The following MAP3K7 variants were observed in gnomAD, a reference collection of about 807,000 sequenced individuals.
MAP3K7 encodes the protein mitogen-activated protein kinase kinase kinase 7, also known as TGF-beta activated kinase 1.
Under a neutral mutation model 84.8 loss-of-function variants are expected in MAP3K7, and 21 were observed. That is an observed-to-expected ratio of 0.25 (90% CI 0.18 to 0.36). MAP3K7 has a LOEUF of 0.36. Among genes scored for constraint, MAP3K7 ranks in the 10% least tolerant of loss-of-function variants. MAP3K7 has a pLI of 1.00. For missense variants in MAP3K7, 503 were observed against 747.7 expected, an observed-to-expected ratio of 0.67 and a Z score of 3.82; for synonymous variants, 241 against 247.7, an observed-to-expected ratio of 0.97 and a Z score of 0.25.
chr6:90,533,493 G>C (rs573708950), intron 13 of MAP3K7, among the ~76,000 whole-genome samples: 1 of 152,150 alleles, frequency 6.6e-6, no homozygotes, highest in East Asian at 1.9e-4. Context: ...CAGATTGGCC[G>C]CTGTCAGAAA....
intron 1 of MAP3K7, among the ~76,000 whole-genome samples, chr6:90,581,265 C>T (rs1777261177): frequency 6.6e-6 from 1 of 152,090 alleles, no homozygotes; most frequent in Non-Finnish European, 1.5e-5. Flanking sequence ...TTTAATTGTT[C>T]TGAATTCATG....
intron 3 of MAP3K7, among the ~76,000 whole-genome samples, chr6:90,562,571 C>T (rs773425190): frequency 6.6e-6 from 1 of 152,158 alleles, no homozygotes; most frequent in Non-Finnish European, 1.5e-5. Context: ...AACAAAGCAG[C>T]CAGGAAGTTC....
intron 10 of MAP3K7, 115 bp from the exon 11 acceptor site, chr6:90,547,502 GA>G: frequency 8.6e-7 from 1 of 1,157,508 alleles, no homozygotes. Context: ...GTTCTGCTCT[GA>G]AAGGAGAGGG....
intron 6 of MAP3K7, among the ~76,000 whole-genome samples, chr6:90,555,349 G>A (rs1776301904): frequency 1.3e-5 from 2 of 151,680 alleles, no homozygotes; most frequent in Admixed American, 6.6e-5. Context: ...TCCGCCTCCC[G>A]GGTTCACACC....
In MAP3K7 at chr6:90,519,305, C is replaced by T. The variant is rs1775072156; in HGVS notation, c.1477G>A (p.Asp493Asn). The T allele has an allele frequency of 1.9e-6, 3 of 1,580,038 alleles. No individual in the cohort carries two copies. The East Asian group carries it at 7.0e-5, about 37-fold the overall frequency. The change falls in exon 15 of 17, where the codon GAT becomes AAT. Residue 493 changes from aspartate to asparagine, a missense_variant. Asp to Asn is a conservative substitution (Grantham distance 23). Around this residue, in one of 5 missense-constraint regions of MAP3K7, gnomAD observed 286 missense variants for 313.6 expected, o/e 0.91. Transcript: ENST00000369329. ...AGATAAGCCATTGGGATGGAGTTAT[C>T]TGATCCATTGGTATCTGGAATTCAA... is the stretch of plus-strand genomic sequence containing the variant. ...PDDSTDTNGS[D>N]NSIPMAYLTL...
chr6:90,536,953 A>C (rs1775701394), intron 12 of MAP3K7: 1 of 152,302 alleles, frequency 6.6e-6, no homozygotes, highest in Non-Finnish European at 1.5e-5. Flanking sequence ...TTTGTGAACA[A>C]CAACTCTTAA....
chr6:90,533,875 C>T (rs1775584117), intron 13 of MAP3K7, among the ~76,000 whole-genome samples: 1 of 152,128 alleles, frequency 6.6e-6, no homozygotes, highest in African/African-American at 2.4e-5. Context: ...AGTATCTTTT[C>T]AAAGCTTCTA....
At chr6:90,522,052 C>A (rs205340) in intron 14 of MAP3K7, among the ~76,000 whole-genome samples, 106,669 of 151,980 alleles carry the variant, frequency 0.7, 37,762 homozygotes, top group Middle Eastern at 0.79. Context: ...AAATACTGCA[C>A]AGCTGAATTA....
intron 13 of MAP3K7, among the ~76,000 whole-genome samples, chr6:90,525,280 A>G (rs1047714856): frequency 6.6e-6 from 1 of 152,170 alleles, no homozygotes; most frequent in Non-Finnish European, 1.5e-5. Flanking sequence ...TTAGGGTCCA[A>G]AAAATTACTA....
At chr6:90,524,928 A>C in intron 13 of MAP3K7, among the ~76,000 whole-genome samples, 1 of 152,184 alleles carries the variant, frequency 6.6e-6, no homozygotes, top group East Asian at 1.9e-4. Flanking sequence ...AAAATTTCAA[A>C]GGTATTTACT....
At chr6:90,560,393 C>A (rs1776471171) in intron 4 of MAP3K7, among the ~76,000 whole-genome samples, 179 bp from the exon 5 acceptor site, 1 of 152,146 alleles carries the variant, frequency 6.6e-6, no homozygotes, top group Non-Finnish European at 1.5e-5. Flanking sequence ...GACGGACTCT[C>A]ACTTTGTCGC....
Position 90,586,748 on chromosome 6 carries a change from G to A in MAP3K7, c.120+16C>T. 6.4e-7 allele frequency: 1 copy of A among 1,571,528 alleles called. No individual in the cohort carries two copies. The stretch of plus-strand genomic sequence containing the variant: ...GGCAGGCCGGGACCGGCGTCTCCAT[G>A]CCGGGCCTCGCTCACCTCTTCCACC... On this transcript the variant is annotated intron_variant, in intron 1 of 16. Coordinates refer to ENST00000369329, the MANE Select transcript of MAP3K7 (RefSeq NM_145331.3).
intron 16 of MAP3K7, 97 bp from the exon 17 acceptor site, chr6:90,516,778 G>T (rs1158412816): frequency 7.7e-6 from 8 of 1,041,122 alleles, no homozygotes; most frequent in African/African-American, 6.5e-5. Flanking sequence ...TTTATTCTTG[G>T]TTTATCATTT....
intron 6 of MAP3K7, among the ~76,000 whole-genome samples, chr6:90,555,290 C>T (rs1173380535): frequency 6.6e-6 from 1 of 151,476 alleles, no homozygotes; most frequent in African/African-American, 2.4e-5. Flanking sequence ...GAGTCTTGCT[C>T]TGTCACCCAG....
At chr6:90,576,043 G>C (rs1777064502) in intron 1 of MAP3K7, among the ~76,000 whole-genome samples, 1 of 152,012 alleles carries the variant, frequency 6.6e-6, no homozygotes, top group Non-Finnish European at 1.5e-5. Flanking sequence ...ATGCCACATA[G>C]AACAACGACA....
At chr6:90,543,682 C>T (rs528651491) in intron 12 of MAP3K7, among the ~76,000 whole-genome samples, 2 of 152,094 alleles carry the variant, frequency 1.3e-5, no homozygotes, top group Admixed American at 6.6e-5. Context: ...TCATCCAACT[C>T]GCACTCATGA....
intron 9 of MAP3K7, 120 bp downstream of exon 9, chr6:90,550,348 T>C (rs1307552644): frequency 1.6e-6 from 1 of 622,712 alleles, no homozygotes; most frequent in Non-Finnish European, 2.7e-6. Flanking sequence ...CAGTCAATCA[T>C]ATGAAATGAA....
chr6:90,569,984 CAT>C (rs1264162949), intron 2 of MAP3K7, among the ~76,000 whole-genome samples: 1 of 152,080 alleles, frequency 6.6e-6, no homozygotes, highest in Admixed American at 6.6e-5. Context: ...CTAGAGCCAA[CAT>C]GTGTGGATTT....
intron 14 of MAP3K7, among the ~76,000 whole-genome samples, chr6:90,522,637 G>A (rs1395853654): frequency 1.3e-5 from 2 of 151,980 alleles, no homozygotes; most frequent in Non-Finnish European, 2.9e-5. Context: ...AGTTTTTGCC[G>A]CCACTAAATT....
Sources: gnomAD v4.1 joint callset for allele counts (sites outside exome capture counted in the v4.1 genomes callset) on GRCh38, gnomAD v4.1.1 for gene constraint, gnomAD v4.1.1 regional missense constraint, MANE v1.5 for transcripts, NCBI Gene and HGNC (gene_info 2026-07-23, HGNC 2026-07-21) for gene names.